FBXL7: variants seen among roughly 807,000 people sequenced by gnomAD.
FBXL7 encodes the protein F-box and leucine rich repeat protein 7, also known as F-box/LRR-repeat protein 7.
A neutral mutation model predicts 38.3 loss-of-function variants in FBXL7; 12 were observed. The observed-to-expected ratio is 0.31, with a 90% CI of 0.20 to 0.51. FBXL7 has a LOEUF of 0.51. Among genes scored for constraint, FBXL7 ranks in the 20% least tolerant of loss-of-function variants. The pLI is 0.98. For missense variants in FBXL7, 567 were observed against 676.4 expected, an observed-to-expected ratio of 0.84 and a Z score of 1.79; for synonymous variants, 297 against 300.9, an observed-to-expected ratio of 0.99 and a Z score of 0.13.
At chr5:15,741,662 G>T (rs1172694335) in intron 2 of FBXL7, among the ~76,000 whole-genome samples, 1 of 152,162 alleles carries the variant, frequency 6.6e-6, no homozygotes, top group Non-Finnish European at 1.5e-5. Flanking sequence ...GAGGCCACTT[G>T]CTGGAAAAGC....
chr5:15,519,805 A>G (rs183913286), intron 1 of FBXL7, among the ~76,000 whole-genome samples: 4 of 152,304 alleles, frequency 2.6e-5, no homozygotes, highest in Admixed American at 2.6e-4. Flanking sequence ...GTAGTTTCCT[A>G]TCCCCTTTTG....
At chr5:15,897,927 T>C (rs1018924774) in intron 2 of FBXL7, among the ~76,000 whole-genome samples, 1 of 152,236 alleles carries the variant, frequency 6.6e-6, no homozygotes, top group Non-Finnish European at 1.5e-5. Flanking sequence ...AGGCCATCAC[T>C]ATCAATATAT....
chr5:15,656,202 G>A (rs144478619), intron 2 of FBXL7, among the ~76,000 whole-genome samples: 86 of 152,290 alleles, frequency 5.6e-4, no homozygotes, highest in African/African-American at 1.9e-3. Flanking sequence ...AAAGCCTTAC[G>A]TGTTTAGGCC....
intron 2 of FBXL7, among the ~76,000 whole-genome samples, chr5:15,839,944 T>A (rs989891501): frequency 5.9e-5 from 9 of 152,236 alleles, no homozygotes; most frequent in Non-Finnish European, 1.3e-4. Context: ...TTACATTGAT[T>A]ACATTTAGTT....
rs535980982 is a variant in FBXL7 at position 15,589,052 on chromosome 5, T to C, written c.38-26931T>C. 1.6e-4 allele frequency among the ~76,000 whole-genome samples: 24 copies of C among 152,306 alleles called. No homozygotes were observed. In the South Asian group the frequency reaches 4.8e-3, roughly 30 times the overall value. ...TGTTGTTGTAACTAATAGAATGACG[T>C]ACAAAGTATGCTAACTGAGAAAGAA... On this transcript the variant is annotated intron_variant, in intron 1 of 3. Transcript: ENST00000504595.
chr5:15,791,255 C>T (rs1235279374), intron 2 of FBXL7, among the ~76,000 whole-genome samples: 1 of 152,160 alleles, frequency 6.6e-6, no homozygotes, highest in Non-Finnish European at 1.5e-5. Flanking sequence ...TTCTAAACTG[C>T]AATCAGGATC....
intron 1 of FBXL7, among the ~76,000 whole-genome samples, chr5:15,543,919 G>A (rs759710804): frequency 3.0e-4 from 45 of 152,172 alleles, no homozygotes; most frequent in Non-Finnish European, 6.0e-4. Context: ...GAGGTAGGAG[G>A]CAAGACTCAA....
At chr5:15,932,392 G>C (rs1260385328) in intron 3 of FBXL7, among the ~76,000 whole-genome samples, 1 of 152,196 alleles carries the variant, frequency 6.6e-6, no homozygotes, top group East Asian at 1.9e-4. Flanking sequence ...AGAAGAGATA[G>C]AGATATCACC....
chr5:15,887,661 A>C lies in FBXL7; in HGVS notation c.128-40229A>C, dbSNP rs577870480. On this transcript the variant is annotated intron_variant, in intron 2 of 3. Coordinates refer to ENST00000504595, the MANE Select transcript of FBXL7 (RefSeq NM_012304.5). Reference sequence around the variant, plus strand: ...CTAACAAGTACCTCAGTAAACACGTAGAGTATTGGAATATTAACTCCGCTA... The same window carrying C: ...CTAACAAGTACCTCAGTAAACACGTCGAGTATTGGAATATTAACTCCGCTA... 2.0e-5 allele frequency among the ~76,000 whole-genome samples: 3 copies of C among 152,304 alleles called. No individual in the cohort carries two copies. In the East Asian group the frequency reaches 5.8e-4, roughly 29 times the overall value.
At chr5:15,582,782 A>C (rs1429819338) in intron 1 of FBXL7, among the ~76,000 whole-genome samples, 1 of 152,206 alleles carries the variant, frequency 6.6e-6, no homozygotes, top group East Asian at 1.9e-4. Flanking sequence ...GAGGCTACCA[A>C]GTGCTTGAGC....
At chr5:15,749,094 A>G (rs1219885885) in intron 2 of FBXL7, among the ~76,000 whole-genome samples, 2 of 151,808 alleles carry the variant, frequency 1.3e-5, no homozygotes, top group African/African-American at 4.8e-5. Flanking sequence ...AAAATATAAA[A>G]ATTAGCCGGG....
intron 1 of FBXL7, among the ~76,000 whole-genome samples, chr5:15,509,906 A>G (rs1026945052): frequency 2.0e-5 from 3 of 152,230 alleles, no homozygotes; most frequent in South Asian, 2.1e-4. Context: ...GTGCTAGTTA[A>G]TACCCCAGAG....
chr5:15,813,083 T>C (rs905650901), intron 2 of FBXL7, among the ~76,000 whole-genome samples: 2 of 152,186 alleles, frequency 1.3e-5, no homozygotes, highest in Non-Finnish European at 2.9e-5. Context: ...CAAACAGAGA[T>C]AATTTGACTT....
intron 2 of FBXL7, among the ~76,000 whole-genome samples, chr5:15,831,607 A>G (rs1340065575): frequency 6.6e-6 from 1 of 152,180 alleles, no homozygotes; most frequent in Non-Finnish European, 1.5e-5. Context: ...GCTAATGTGC[A>G]GGGTGAGCCA....
intron 2 of FBXL7, among the ~76,000 whole-genome samples, chr5:15,618,755 G>A (rs1299814555): frequency 6.6e-6 from 1 of 152,198 alleles, no homozygotes; most frequent in Non-Finnish European, 1.5e-5. Flanking sequence ...CACTCAGACT[G>A]TTAGCACTGG....
rs1366543987 is a variant in FBXL7 at position 15,569,967 on chromosome 5, TG to T, written c.38-46015del. Among the ~76,000 whole-genome samples, 6 of 152,318 alleles carry T rather than the reference TG, an allele frequency of 3.9e-5. No homozygotes were observed. In the East Asian group the frequency reaches 1.2e-3, roughly 29 times the overall value. On this transcript the variant is annotated intron_variant, in intron 1 of 3. Transcript: ENST00000504595. ...ACTTGATCATGGTGGATAAGTTTTT[TG>T]ATGTGCTGCTGGATTCGGTTTGCCA...
chr5:15,677,278 G>A (rs1742690050), intron 2 of FBXL7, among the ~76,000 whole-genome samples: 1 of 152,034 alleles, frequency 6.6e-6, no homozygotes, highest in Non-Finnish European at 1.5e-5. Flanking sequence ...GAGACCAGTC[G>A]GGTTAACATG....
Position 15,928,577 on chromosome 5 carries a change from C to T in FBXL7, c.739+76C>T. On this transcript the variant is annotated intron_variant, in intron 3 of 3. Coordinates refer to ENST00000504595, the MANE Select transcript of FBXL7 (RefSeq NM_012304.5). This position sits in a 1 kb window ranked among gnomAD's most constrained non-coding sequence, Gnocchi z 4.0. ...AAAACAGTGGGGACAGTGCCACCACCGGAGGGTCCTCTTCTTGCAAGCCAT... is the reference window on the plus strand; with the variant it reads ...AAAACAGTGGGGACAGTGCCACCACTGGAGGGTCCTCTTCTTGCAAGCCAT... 1 of 1,514,878 alleles carries T rather than the reference C, an allele frequency of 6.6e-7. No individual in the cohort carries two copies. Among genetic ancestry groups the T allele is most frequent in the Non-Finnish European group, 8.8e-7 (1 of 1,130,572 alleles). The allele number at this position is 1,514,878 out of a possible 1,614,324, so 93.8% of individuals were successfully genotyped here.
In FBXL7 at chr5:15,773,167, G is replaced by C. The variant is rs568911451; in HGVS notation, c.128-154723G>C. On this transcript the variant is annotated intron_variant, in intron 2 of 3. Coordinates refer to ENST00000504595, the MANE Select transcript of FBXL7 (RefSeq NM_012304.5). ...TCCTGCCTTGGCGTCCCCAAATCCTGGGATCACTGACCTGAGCAAACAAGC... is the reference window on the plus strand; with the variant it reads ...TCCTGCCTTGGCGTCCCCAAATCCTCGGATCACTGACCTGAGCAAACAAGC... Among the ~76,000 whole-genome samples the C allele has an allele frequency of 2.6e-5, 4 of 152,146 alleles. No homozygotes were observed. The East Asian group carries it at 7.7e-4, about 29-fold the overall frequency.
Sources: allele counts gnomAD v4.1 joint callset (sites outside exome capture counted in the v4.1 genomes callset), GRCh38; gene constraint gnomAD v4.1.1; non-coding constraint Gnocchi (gnomAD v3.1); transcripts MANE v1.5; gene names NCBI Gene and HGNC (gene_info 2026-07-23, HGNC 2026-07-21).